The following PIEZO1 variants were observed in gnomAD, a reference collection of about 807,000 sequenced individuals.
PIEZO1 encodes the protein piezo-type mechanosensitive ion channel component 1.
PIEZO1 carries 296 observed loss-of-function variants against 297.2 expected under a neutral mutation model. That is an observed-to-expected ratio of 1.00 (90% CI 0.91 to 1.10). The LOEUF (loss-of-function observed/expected upper bound fraction) is 1.10. Among genes scored for constraint, PIEZO1 ranks in the 50% least tolerant of loss-of-function variants. The probability of loss-of-function intolerance (pLI) is 0.00; values close to 1 mark genes in which losing one functional copy is unlikely to be tolerated. For synonymous variants in PIEZO1, 2,427 were observed against 1,507.5 expected (o/e 1.61, Z -14.13); for missense variants, 5,018 against 3,455.5 (o/e 1.45, Z -11.34).
chr16:88,777,441 T>C (rs1200442661), intron 1 of PIEZO1, among the ~76,000 whole-genome samples: 1 of 150,986 alleles, frequency 6.6e-6, no homozygotes, highest in East Asian at 1.9e-4. Flanking sequence ...GCAGACACAT[T>C]GCGGGGTCCT....
At chr16:88,749,882 G>A (rs558778782) in intron 1 of PIEZO1, among the ~76,000 whole-genome samples, 2 of 151,318 alleles carry the variant, frequency 1.3e-5, no homozygotes, top group East Asian at 3.9e-4. Context: ...ACAAAAATTA[G>A]CCGGGCATGG....
At chr16:88,757,062 C>T (rs1906698978) in intron 1 of PIEZO1, among the ~76,000 whole-genome samples, 1 of 152,094 alleles carries the variant, frequency 6.6e-6, no homozygotes, top group African/African-American at 2.4e-5. Context: ...GGCGACAGAG[C>T]GAGACTCCGT....
chr16:88,752,622 G>A (rs987251921), intron 1 of PIEZO1, among the ~76,000 whole-genome samples: 1 of 152,148 alleles, frequency 6.6e-6, no homozygotes, highest in Non-Finnish European at 1.5e-5. Flanking sequence ...GGCTGAGGAT[G>A]GAGATGAGGG....
chr16:88,732,232 C>A, intron 21 of PIEZO1, 103 bp downstream of exon 21: 2 of 1,050,558 alleles, frequency 1.9e-6, no homozygotes, highest in South Asian at 1.5e-5. Context: ...GTGGCCCAGG[C>A]AAACCCAGGT....
At chr16:88,775,274 G>A (rs1231008017) in intron 1 of PIEZO1, among the ~76,000 whole-genome samples, 2 of 152,212 alleles carry the variant, frequency 1.3e-5, no homozygotes, top group East Asian at 3.8e-4. Context: ...AGGATGCCGG[G>A]GCAGACCTAG....
At chr16:88,722,445 C>T in intron 35 of PIEZO1, 48 bp from the exon 36 acceptor site, 1 of 1,463,840 alleles carries the variant, frequency 6.8e-7, no homozygotes, top group Non-Finnish European at 9.1e-7. Context: ...ATGGCCTGAC[C>T]CCAGGCTACA....
intron 1 of PIEZO1, among the ~76,000 whole-genome samples, chr16:88,762,119 C>T (rs985132758): frequency 2.0e-5 from 3 of 152,176 alleles, no homozygotes; most frequent in Non-Finnish European, 4.4e-5. Flanking sequence ...GAATGTCTGA[C>T]GGAGCCGACC....
At chr16:88,744,518 C>A (rs530006725) in intron 2 of PIEZO1, among the ~76,000 whole-genome samples, 1 of 151,578 alleles carries the variant, frequency 6.6e-6, no homozygotes, top group South Asian at 2.1e-4. Flanking sequence ...AACTGCCTGA[C>A]CAGAGACCCC....
chr16:88,723,534 C>G (rs1597447058), intron 31 of PIEZO1, among the ~76,000 whole-genome samples: 1 of 152,342 alleles, frequency 6.6e-6, no homozygotes, highest in Non-Finnish European at 1.5e-5. Flanking sequence ...GTGGGCTGGT[C>G]TAACACCAAG....
intron 1 of PIEZO1, among the ~76,000 whole-genome samples, chr16:88,761,116 A>T (rs566573307): frequency 1.3e-5 from 2 of 152,224 alleles, no homozygotes; most frequent in Non-Finnish European, 2.9e-5. Flanking sequence ...GTGACTGTGC[A>T]GGAACAGAGG....
intron 1 of PIEZO1, among the ~76,000 whole-genome samples, chr16:88,765,585 C>A (rs1023703661): frequency 6.6e-6 from 1 of 152,180 alleles, no homozygotes; most frequent in African/African-American, 2.4e-5. Context: ...CAGGTGAGCA[C>A]CTCGTATAGC....
rs1904357493 is a variant in PIEZO1 at position 88,725,509 on chromosome 16, T to G, written c.4069A>C (p.Ile1357Leu). The change falls in exon 29 of 51, where the codon ATC becomes CTC. Residue 1357 changes from isoleucine to leucine, a missense_variant. Physicochemically the swap from Ile to Leu is conservative, Grantham distance 5. Transcript: ENST00000301015. ...CTGTGCTTCTCCTGCTTGGCACGGA[T>G]ACGCTCCATCCTGTGGTGGGGAAAG... ...LAQLKRQMER[I>L]RAKQEKHRQG... 4.6e-6 allele frequency: 7 copies of G among 1,534,672 alleles called. No homozygotes were observed. The highest frequency in any genetic ancestry group is 6.2e-6 in the Non-Finnish European group (7 of 1,137,644).
chr16:88,775,726 CAAAAAAA>C (rs3052234), intron 1 of PIEZO1, among the ~76,000 whole-genome samples: 10 of 98,722 alleles, frequency 1.0e-4, no homozygotes, highest in South Asian at 6.9e-4. Context: ...AAGACGCTGT[CAAAAAAA>C]AAAAAAAAAA....
At chr16:88,747,846 G>A (rs929911378) in intron 2 of PIEZO1, among the ~76,000 whole-genome samples, 1 of 152,108 alleles carries the variant, frequency 6.6e-6, no homozygotes, top group Non-Finnish European at 1.5e-5. Context: ...GGAGAGACAG[G>A]GTGTGATCCT....
chr16:88,734,571 C>CG lies in PIEZO1; in HGVS notation c.1998-34_1998-33insC, dbSNP rs781511572. The CG allele has an allele frequency of 3.2e-6, 5 of 1,545,196 alleles. No homozygotes were observed. In the South Asian group the frequency reaches 6.0e-5, roughly 18 times the overall value. On this transcript the variant is annotated intron_variant, in intron 15 of 50. Coordinates refer to ENST00000301015, the MANE Select transcript of PIEZO1 (RefSeq NM_001142864.4). The stretch of plus-strand genomic sequence containing the variant: ...GGGGCAGCATCAGCACCGGCCCGGC[C>CG]CCCGGCAGAGCCGCTGCAGCCCCGG...
chr16:88,723,758 TGGA>T, intron 31 of PIEZO1, 110 bp downstream of exon 31: 1 of 640,390 alleles, frequency 1.6e-6, no homozygotes, highest in Non-Finnish European at 2.8e-6. Flanking sequence ...TAACTGGAGG[TGGA>T]GGAGCTCGGC....
At chr16:88,723,598 T>C (rs1017800384) in intron 31 of PIEZO1, among the ~76,000 whole-genome samples, 2 of 152,200 alleles carry the variant, frequency 1.3e-5, no homozygotes, top group African/African-American at 4.8e-5. Flanking sequence ...CACAAAGGTG[T>C]TGGGCCGGTC....
intron 1 of PIEZO1, among the ~76,000 whole-genome samples, chr16:88,758,674 G>A (rs1343313267): frequency 6.6e-6 from 1 of 152,224 alleles, no homozygotes; most frequent in Non-Finnish European, 1.5e-5. Flanking sequence ...GTGTCTGTAT[G>A]TGCCCTGCAG....
chr16:88,749,271 C>T (rs1313305740), intron 2 of PIEZO1, 113 bp downstream of exon 2: 2 of 648,232 alleles, frequency 3.1e-6, no homozygotes, highest in Non-Finnish European at 4.9e-6. Flanking sequence ...TTCGGGACCC[C>T]TCATCTTCCA....
Sources: gnomAD v4.1 joint callset for allele counts (sites outside exome capture counted in the v4.1 genomes callset) on GRCh38, gnomAD v4.1.1 for gene constraint, MANE v1.5 for transcripts, NCBI Gene and HGNC (gene_info 2026-07-23, HGNC 2026-07-21) for gene names.